MRPS7: variants seen among roughly 807,000 people sequenced by gnomAD.
MRPS7 encodes mitochondrial ribosomal protein S7, also known as small ribosomal subunit protein uS7m.
In MRPS7, 13 loss-of-function variants were observed where a neutral mutation model predicts 26.2. That is an observed-to-expected ratio of 0.50 (90% CI 0.32 to 0.79). The LOEUF is 0.79. MRPS7 is among the 30% of genes least tolerant of loss of function. MRPS7 has a pLI of 0.03. For synonymous variants in MRPS7, 129 were observed against 113.3 expected (o/e 1.14, Z -0.88); for missense variants, 318 against 312.2 (o/e 1.02, Z -0.14).
At position 75,262,488 on chromosome 17, in the gene MRPS7, C is replaced by T. The variant is rs371836899; in HGVS notation, c.84-9C>T. 3.1e-6 allele frequency: 5 copies of T among 1,612,172 alleles called. No homozygotes were observed. The highest frequency in any genetic ancestry group is 1.1e-5 in the South Asian group (1 of 91,034). On this transcript the variant is annotated splice_polypyrimidine_tract_variant and intron_variant, in intron 1 of 4. Transcript: ENST00000245539. ...CTTTTGCCTGCCTCCTCCTTTCCCC[C>T]CCTCCCAGGCTAACTCAGGTGAGAT...
In MRPS7 at chr17:75,265,954, C is replaced by T. The variant is rs201977840; in HGVS notation, c.*31C>T. 9.4e-6 allele frequency: 15 copies of T among 1,599,974 alleles called. No homozygotes were observed. The East Asian group carries it at 1.3e-4, about 14-fold the overall frequency. On this transcript the variant is annotated 3_prime_UTR_variant, in exon 5 of 5. Coordinates refer to ENST00000245539, the MANE Select transcript of MRPS7 (RefSeq NM_015971.4). ...CCAGGAGGAGCCCAGGGCCCTCTGC[C>T]GCAAGAAACAGTGTGAGCTACTGCC...
At chr17:75,265,603 A>C in intron 4 of MRPS7, 99 bp from the exon 5 acceptor site, 1 of 1,064,864 alleles carries the variant, frequency 9.4e-7, no homozygotes, top group South Asian at 1.4e-5. Flanking sequence ...GGGCTGGTCC[A>C]GAGGGAACAT....
At chr17:75,262,161 T>G in intron 1 of MRPS7, 178 bp downstream of exon 1, 3 of 758,772 alleles carry the variant, frequency 4.0e-6, no homozygotes, top group Non-Finnish European at 6.3e-6. Flanking sequence ...ACCTCTCGCC[T>G]AAGGAGTCTG....
At chr17:75,265,323 C>T (rs1381393785) in intron 4 of MRPS7, among the ~76,000 whole-genome samples, 2 of 152,068 alleles carry the variant, frequency 1.3e-5, no homozygotes, top group African/African-American at 4.8e-5. Flanking sequence ...CAGGCGTGAA[C>T]CATCGTGCCT....
intron 1 of MRPS7, chr17:75,262,189 A>C (rs1237053080): frequency 8.7e-6 from 6 of 686,316 alleles, no homozygotes; most frequent in South Asian, 1.9e-5. Context: ...TAGGGTTCTA[A>C]CGCGGAGCTG....
intron 4 of MRPS7, among the ~76,000 whole-genome samples, chr17:75,265,086 G>C (rs963233413): frequency 6.6e-6 from 1 of 152,116 alleles, no homozygotes; most frequent in African/African-American, 2.4e-5. Context: ...CTGTTGCCCA[G>C]GCTGGAGTGC....
rs1399731166 is a variant in MRPS7, at chr17:75,263,365, A to C, written c.365A>C (p.Gln122Pro). The change falls in exon 4 of 5, where the codon CAG becomes CCG. Residue 122 changes from glutamine (Q) to proline (P), a missense_variant. Coordinates refer to ENST00000245539, the MANE Select transcript of MRPS7 (RefSeq NM_015971.4). ...IQTLEAVKRK[Q>P]FEKYHAASAE... Reference sequence around the variant, plus strand: ...ACTCTGGAAGCTGTGAAAAGGAAGCAGTTTGAGAAGTACCATGCCGCTTCT... The same window carrying C: ...ACTCTGGAAGCTGTGAAAAGGAAGCCGTTTGAGAAGTACCATGCCGCTTCT... 3 of 1,614,148 alleles carry C rather than the reference A, an allele frequency of 1.9e-6. No individual in the cohort carries two copies. The highest frequency in any genetic ancestry group is 2.2e-5 in the East Asian group (1 of 44,882).
chr17:75,264,205 T>TA (rs1295910803), intron 4 of MRPS7: 3 of 151,586 alleles, frequency 2.0e-5, no homozygotes, highest in Non-Finnish European at 4.4e-5. Flanking sequence ...TTGAGACTGT[T>TA]ACGGTCCACT....
intron 3 of MRPS7, 40 bp downstream of exon 3, chr17:75,262,907 C>G (rs780691059): frequency 3.1e-6 from 5 of 1,593,306 alleles, no homozygotes; most frequent in East Asian, 2.2e-5. Flanking sequence ...TTCTTGCCCC[C>G]CTACCCCGTA....
In MRPS7 at chr17:75,262,652, G is replaced by A; in HGVS notation, c.239G>A (p.Gly80Glu). ...CAGCTCATCAAAGCTGCTCCAGCAG[G>A]GAAAACAAGTTCTGTGTTTGAAGAC... ...KTQLIKAAPAGKTSSVFEDPV... is the reference protein window; with the variant it reads ...KTQLIKAAPAEKTSSVFEDPV... The change falls in exon 2 of 5, where the codon GGG (glycine) becomes GAG (glutamate). Residue 80 changes from glycine (G) to glutamate (E), a missense_variant. Gly to Glu is a moderately conservative substitution (Grantham distance 98, BLOSUM62 -2). Coordinates refer to ENST00000245539, the MANE Select transcript of MRPS7 (RefSeq NM_015971.4). 6.2e-7 allele frequency: 1 copy of A among 1,614,114 alleles called. No homozygotes were observed. Among genetic ancestry groups the A allele is most frequent in the Non-Finnish European group, 8.5e-7 (1 of 1,180,020 alleles).
chr17:75,262,489 C>T lies in MRPS7; in HGVS notation c.84-8C>T, dbSNP rs200570062. The T allele has an allele frequency of 2.5e-3, 3,972 of 1,612,352 alleles. 3 individuals are homozygous for T. The highest frequency in any genetic ancestry group is 2.8e-3 in the Non-Finnish European group (3,353 of 1,178,642). On this transcript the variant is annotated splice_region_variant and splice_polypyrimidine_tract_variant and intron_variant, in intron 1 of 4. Coordinates refer to ENST00000245539, the MANE Select transcript of MRPS7 (RefSeq NM_015971.4). ...TTTTGCCTGCCTCCTCCTTTCCCCC[C>T]CTCCCAGGCTAACTCAGGTGAGATG...
Position 75,262,552 on chromosome 17 carries a change from G to T in MRPS7, c.139G>T (p.Asp47Tyr), listed in dbSNP as rs1193468485. Residue 47 changes from aspartate to tyrosine, a missense_variant, in exon 2 of 5, where the codon GAC becomes TAC. Asp to Tyr is a radical substitution (Grantham distance 160). Transcript: ENST00000245539. The stretch of plus-strand genomic sequence containing the variant: ...TCCTGAATTCAAGGATCCCTTGATT[G>T]ACAAGGAATATTATCGCAAGCCAGT... ...YSPEFKDPLIDKEYYRKPVEE... is the reference protein window; with the variant it reads ...YSPEFKDPLIYKEYYRKPVEE... The T allele has an allele frequency of 2.5e-6, 4 of 1,614,030 alleles. No individual in the cohort carries two copies. The African/African-American group carries it at 4.0e-5, about 16-fold the overall frequency.
intron 4 of MRPS7, among the ~76,000 whole-genome samples, 185 bp from the exon 5 acceptor site, chr17:75,265,517 T>G (rs1172052221): frequency 6.6e-6 from 1 of 152,176 alleles, no homozygotes; most frequent in Non-Finnish European, 1.5e-5. Context: ...ACGCCTCTTA[T>G]GTCTGCTACA....
At position 75,262,001 on chromosome 17, in the gene MRPS7, A is replaced by T; in HGVS notation, c.83+18A>T. Reference sequence around the variant, plus strand: ...CTTCCAGGGTGAGAGGGTGGCGAGCAGCGGCGGGGGGGCGCTGCGAGGAAG... The same window carrying T: ...CTTCCAGGGTGAGAGGGTGGCGAGCTGCGGCGGGGGGGCGCTGCGAGGAAG... On this transcript the variant is annotated intron_variant, in intron 1 of 4. Coordinates refer to ENST00000245539, the MANE Select transcript of MRPS7 (RefSeq NM_015971.4). The T allele has an allele frequency of 6.7e-7, 1 of 1,486,020 alleles. No individual in the cohort carries two copies. The highest frequency in any genetic ancestry group is 8.9e-7 in the Non-Finnish European group (1 of 1,129,162). 92.1% of individuals were successfully genotyped at this position (1,486,020 alleles called of 1,614,324 possible).
At chr17:75,262,988 T>G in intron 3 of MRPS7, 121 bp downstream of exon 3, 1 of 992,662 alleles carries the variant, frequency 1.0e-6, no homozygotes, top group Non-Finnish European at 1.5e-6. Flanking sequence ...CAGATTAACT[T>G]CCCTGCATGT....
chr17:75,262,414 T>G (rs776930912), intron 1 of MRPS7, 83 bp from the exon 2 acceptor site: 3 of 1,463,182 alleles, frequency 2.1e-6, no homozygotes, highest in Non-Finnish European at 2.8e-6. Flanking sequence ...GTCGGCGCGT[T>G]GGCAGTCATG....
intron 4 of MRPS7, among the ~76,000 whole-genome samples, chr17:75,265,340 C>CT (rs564162139): frequency 1.0e-4 from 15 of 148,142 alleles, no homozygotes; most frequent in South Asian, 2.1e-4. Flanking sequence ...GCCTGGCCTT[C>CT]TTTTTTTTTT....
chr17:75,262,441 A>T (rs764115237), intron 1 of MRPS7, 56 bp from the exon 2 acceptor site: 1 of 1,577,370 alleles, frequency 6.3e-7, no homozygotes, highest in Non-Finnish European at 8.7e-7. Flanking sequence ...GTTAAGTCAA[A>T]CCTACTCGCT....
At chr17:75,263,251 A>C in intron 3 of MRPS7, 89 bp from the exon 4 acceptor site, 7 of 1,509,970 alleles carry the variant, frequency 4.6e-6, no homozygotes, top group Non-Finnish European at 6.3e-6. Context: ...GCAGAACCAG[A>C]GGATGGGAGT....
Sources: gnomAD v4.1 joint callset for allele counts (sites outside exome capture counted in the v4.1 genomes callset) on GRCh38, gnomAD v4.1.1 for gene constraint, MANE v1.5 for transcripts, NCBI Gene and HGNC (gene_info 2026-07-23, HGNC 2026-07-21) for gene names.